The following DMRT1 variants were observed in gnomAD, a reference collection of about 807,000 sequenced individuals.
DMRT1 encodes the protein doublesex- and mab-3-related transcription factor 1.
In DMRT1, 7 loss-of-function variants were observed where a neutral mutation model predicts 32.3. The observed-to-expected ratio is 0.22, with a 90% CI of 0.12 to 0.41. The LOEUF (loss-of-function observed/expected upper bound fraction) is 0.41, where lower values mean the gene tolerates loss of function less well. DMRT1 is among the 10% of genes least tolerant of loss of function. The pLI is 1.00. For missense variants in DMRT1, 625 were observed against 500.5 expected (o/e 1.25, Z -2.37); for synonymous variants, 278 against 206.1 (o/e 1.35, Z -2.99).
At chr9:893,883 T>G in intron 2 of DMRT1, 29 bp from the exon 3 acceptor site, 2 of 1,603,470 alleles carry the variant, frequency 1.2e-6, no homozygotes, top group South Asian at 1.1e-5. Flanking sequence ...TAATACCATG[T>G]TGTATTTTTC....
chr9:916,698 AATT>A lies in DMRT1; in HGVS notation c.823-61_823-59del, dbSNP rs369300082. 1,042 of 1,561,716 alleles carry A rather than the reference AATT, an allele frequency of 6.7e-4. 8 individuals carry two copies. The highest frequency in any genetic ancestry group is 6.6e-3 in the South Asian group (591 of 90,050). ...GTTACCTTGTTTTAAAGAACTAGATAATTATTGTACTAGTTGTGACATGCAATG... is the reference window on the plus strand; with the variant it reads ...GTTACCTTGTTTTAAAGAACTAGATAATTGTACTAGTTGTGACATGCAATG... On this transcript the variant is annotated intron_variant, in intron 3 of 4. Coordinates refer to ENST00000382276, the MANE Select transcript of DMRT1 (RefSeq NM_021951.3).
At chr9:850,833 A>G (rs1246852729) in intron 2 of DMRT1, among the ~76,000 whole-genome samples, 1 of 152,108 alleles carries the variant, frequency 6.6e-6, no homozygotes, top group Non-Finnish European at 1.5e-5. Context: ...GTTCTAGACC[A>G]GCCTGGCCAA....
At chr9:953,023 C>G (rs999642073) in intron 4 of DMRT1, among the ~76,000 whole-genome samples, 1 of 152,140 alleles carries the variant, frequency 6.6e-6, no homozygotes, top group African/African-American at 2.4e-5. Context: ...AGATACACAT[C>G]TTTGAAATGT....
At chr9:940,280 T>C (rs890737930) in intron 4 of DMRT1, among the ~76,000 whole-genome samples, 1 of 152,150 alleles carries the variant, frequency 6.6e-6, no homozygotes, top group Non-Finnish European at 1.5e-5. Flanking sequence ...ACAGCAGCAT[T>C]ATTTCACAGT....
In DMRT1 at chr9:961,713, A is replaced by G. The variant is rs190337313; in HGVS notation, c.968-6272A>G. On this transcript the variant is annotated intron_variant, in intron 4 of 4. Transcript: ENST00000382276. ...TGGTTCTCTGAAAAAGGCAACATGTATGTGTGGCCTGGAATAAACAGACCT... is the reference window on the plus strand; with the variant it reads ...TGGTTCTCTGAAAAAGGCAACATGTGTGTGTGGCCTGGAATAAACAGACCT... 2.6e-5 allele frequency among the ~76,000 whole-genome samples: 4 copies of G among 152,354 alleles called. 1 individual carries two copies. Among genetic ancestry groups the G allele is most frequent in the African/African-American group, 9.6e-5 (4 of 41,584 alleles).
At chr9:937,436 T>C (rs958505564) in intron 4 of DMRT1, among the ~76,000 whole-genome samples, 3 of 152,254 alleles carry the variant, frequency 2.0e-5, no homozygotes, top group African/African-American at 7.2e-5. Flanking sequence ...GTTTCCACAG[T>C]GTCAGCATGA....
At chr9:932,999 G>A (rs763346937) in intron 4 of DMRT1, among the ~76,000 whole-genome samples, 12 of 151,586 alleles carry the variant, frequency 7.9e-5, no homozygotes, top group Non-Finnish European at 1.3e-4. Flanking sequence ...TGCAACCTCC[G>A]TCTCCCGGGT....
rs1169551460 is a variant in DMRT1 at position 862,173 on chromosome 9, C to T, written c.538+15030C>T. The stretch of plus-strand genomic sequence containing the variant: ...GGCGGCTGGGAGGTGGAGGTTGTAG[C>T]GAGCCGAGATCACGCCACTGCACTC... On this transcript the variant is annotated intron_variant, in intron 2 of 4. Coordinates refer to ENST00000382276, the MANE Select transcript of DMRT1 (RefSeq NM_021951.3). 6.9e-4 allele frequency among the ~76,000 whole-genome samples: 104 copies of T among 150,692 alleles called. 1 individual carries two copies. Among genetic ancestry groups the T allele is most frequent in the Non-Finnish European group, 1.3e-3 (86 of 67,482 alleles).
At chr9:871,509 T>C (rs1379663960) in intron 2 of DMRT1, among the ~76,000 whole-genome samples, 2,242 of 147,352 alleles carry the variant, frequency 0.015, 101 homozygotes, top group African/African-American at 0.053. Flanking sequence ...ATTTTTTTTT[T>C]TTTTTTTTTT....
Position 920,922 on chromosome 9 carries a change from A to T in DMRT1, c.967+4015A>T, listed in dbSNP as rs544074151. ...GAAATAGAGAGGAAACAAACTTTATAGCAATTTGGTAGAGCAGTTTTGTCT... is the reference window on the plus strand; with the variant it reads ...GAAATAGAGAGGAAACAAACTTTATTGCAATTTGGTAGAGCAGTTTTGTCT... On this transcript the variant is annotated intron_variant, in intron 4 of 4. Transcript: ENST00000382276. Among the ~76,000 whole-genome samples the T allele has an allele frequency of 2.0e-5, 3 of 152,308 alleles. No individual in the cohort carries two copies. In the South Asian group the frequency reaches 6.2e-4, roughly 32 times the overall value.
chr9:947,375 G>A lies in DMRT1; in HGVS notation c.968-20610G>A, dbSNP rs279906. Among the ~76,000 whole-genome samples, 1,308 of 152,244 alleles carry A rather than the reference G, an allele frequency of 8.6e-3. 10 individuals carry two copies. The highest frequency in any genetic ancestry group is 0.014 in the Admixed American group (220 of 15,300). ...GGGAAGCCAAAAGGTTGAACACCCAGGCCTAGTCCATTATTGACAGAAAAT... is the reference window on the plus strand; with the variant it reads ...GGGAAGCCAAAAGGTTGAACACCCAAGCCTAGTCCATTATTGACAGAAAAT... On this transcript the variant is annotated intron_variant, in intron 4 of 4. Coordinates refer to ENST00000382276, the MANE Select transcript of DMRT1 (RefSeq NM_021951.3).
chr9:926,655 G>C (rs1237446792), intron 4 of DMRT1, among the ~76,000 whole-genome samples: 2 of 150,778 alleles, frequency 1.3e-5, no homozygotes, highest in African/African-American at 4.9e-5. Flanking sequence ...TTTTCATTTT[G>C]GCTAAAGATT....
intron 3 of DMRT1, among the ~76,000 whole-genome samples, chr9:895,521 C>T (rs1418078834): frequency 6.6e-6 from 1 of 152,190 alleles, no homozygotes; most frequent in Non-Finnish European, 1.5e-5. Flanking sequence ...CTCTTTTTCA[C>T]TTTCCCAGCT....
At chr9:873,643 G>A (rs72699236) in intron 2 of DMRT1, among the ~76,000 whole-genome samples, 3,632 of 152,266 alleles carry the variant, frequency 0.024, 108 homozygotes, top group African/African-American at 0.071. Context: ...ATGTTCTTAG[G>A]TTATCGCTAG....
chr9:924,014 A>T (rs11794097), intron 4 of DMRT1, among the ~76,000 whole-genome samples: 1 of 151,572 alleles, frequency 6.6e-6, no homozygotes, highest in Non-Finnish European at 1.5e-5. Context: ...CTATCCCAGG[A>T]GACGAGGTCT....
chr9:881,923 G>C (rs1014436254), intron 2 of DMRT1, among the ~76,000 whole-genome samples: 1 of 152,238 alleles, frequency 6.6e-6, no homozygotes, highest in Non-Finnish European at 1.5e-5. Context: ...GCCAATGGTA[G>C]GACATTCTGA....
intron 4 of DMRT1, among the ~76,000 whole-genome samples, chr9:926,875 G>C (rs1418768454): frequency 6.6e-6 from 1 of 152,226 alleles, no homozygotes; most frequent in Admixed American, 6.5e-5. Flanking sequence ...GCTCAGTAGA[G>C]GGACCCAGCT....
At chr9:938,744 A>G (rs998859707) in intron 4 of DMRT1, among the ~76,000 whole-genome samples, 10 of 152,010 alleles carry the variant, frequency 6.6e-5, no homozygotes, top group Admixed American at 4.6e-4. Flanking sequence ...TTTCTAGTCT[A>G]TTTGCTCTGA....
intron 4 of DMRT1, among the ~76,000 whole-genome samples, chr9:956,859 T>G (rs894273464): frequency 6.6e-6 from 1 of 152,184 alleles, no homozygotes; most frequent in Admixed American, 6.5e-5. Context: ...CATAGGTGGT[T>G]GTTCTGAGAA....
Sources: allele counts gnomAD v4.1 joint callset (sites outside exome capture counted in the v4.1 genomes callset), GRCh38; gene constraint gnomAD v4.1.1; transcripts MANE v1.5; gene names NCBI Gene and HGNC (gene_info 2026-07-23, HGNC 2026-07-21).